FSIP2: variants seen among roughly 807,000 people sequenced by gnomAD.
FSIP2 encodes fibrous sheath-interacting protein 2.
FSIP2 carries 367 observed loss-of-function variants against 510.5 expected under a neutral mutation model. That is an observed-to-expected ratio of 0.72 (90% CI 0.66 to 0.78). The LOEUF (loss-of-function observed/expected upper bound fraction) is 0.78. Ranked by LOEUF, FSIP2 falls within the 30% of genes least tolerant of loss-of-function variation. The pLI is 0.00. For missense variants in FSIP2, 7,594 were observed against 7,901.7 expected (o/e 0.96, Z 1.48); for synonymous variants, 2,601 against 2,732.2 (o/e 0.95, Z 1.50).
At chr2:185,739,582 G>A in intron 2 of FSIP2, 111 bp downstream of exon 2, 2 of 1,019,386 alleles carry the variant, frequency 2.0e-6, no homozygotes, top group Non-Finnish European at 2.7e-6. Flanking sequence ...ACATTTACAG[G>A]AAAAAGAAAA....
At chr2:185,781,298 G>A (rs1692843891) in intron 13 of FSIP2, among the ~76,000 whole-genome samples, 1 of 152,094 alleles carries the variant, frequency 6.6e-6, no homozygotes, top group African/African-American at 2.4e-5. Flanking sequence ...TATAAAGTAG[G>A]CTTTGTGTTA....
chr2:185,818,123 A>G (rs978331626), intron 19 of FSIP2, among the ~76,000 whole-genome samples: 4 of 152,082 alleles, frequency 2.6e-5, no homozygotes, highest in African/African-American at 9.6e-5. Flanking sequence ...ATGTGCAAGT[A>G]TTATGTGCTC....
At chr2:185,780,763 G>C (rs983160582) in intron 13 of FSIP2, among the ~76,000 whole-genome samples, 1 of 151,966 alleles carries the variant, frequency 6.6e-6, no homozygotes, top group Non-Finnish European at 1.5e-5. Flanking sequence ...GCTCAGTTTT[G>C]ACAGAAATTT....
intron 17 of FSIP2, among the ~76,000 whole-genome samples, chr2:185,810,048 G>A (rs1347183154): frequency 2.6e-5 from 4 of 151,874 alleles, no homozygotes; most frequent in East Asian, 1.9e-4. Flanking sequence ...TCTGTAGCCC[G>A]GACAATTAGC....
In FSIP2 at chr2:185,795,599, G is replaced by C. The variant is rs930813314; in HGVS notation, c.8463G>C (p.Glu2821Asp). The change falls in exon 16 of 23, where the codon GAG (glutamate) becomes GAC (aspartate). Residue 2821 changes from glutamate (E) to aspartate (D), a missense_variant. Glu to Asp is a conservative substitution (Grantham distance 45, BLOSUM62 2). Transcript: ENST00000424728. ...AACAACAAGCATGTTTTTACTTGGA[G>C]AATGTTTCTTCACAGCTAGAGCACA... ...LPKQQACFYLENVSSQLEHIF... is the reference protein window; with the variant it reads ...LPKQQACFYLDNVSSQLEHIF... 3 of 1,534,972 alleles carry C rather than the reference G, an allele frequency of 2.0e-6. No homozygotes were observed. The African/African-American group carries it at 4.1e-5, about 21-fold the overall frequency.
At chr2:185,754,876 A>G (rs1311004366) in intron 8 of FSIP2, among the ~76,000 whole-genome samples, 1 of 151,562 alleles carries the variant, frequency 6.6e-6, no homozygotes, top group East Asian at 1.9e-4. Flanking sequence ...GTTATCTGCA[A>G]ATGAAGATAA....
At position 185,790,573 on chromosome 2, in the gene FSIP2, A is replaced by C; in HGVS notation, c.3437A>C (p.Gln1146Pro). ...EASVLVSEKP[Q>P]GLSHQEWIDQ... ...TCAGTTCTTGTTTCAGAAAAGCCTC[A>C]AGGACTGTCACATCAAGAATGGATA... Residue 1146 changes from glutamine (Q) to proline (P), a missense_variant, in exon 16 of 23, where the codon CAA becomes CCA. Physicochemically the swap from Gln to Pro is moderately conservative, Grantham distance 76 (BLOSUM62 -1). Coordinates refer to ENST00000424728, the MANE Select transcript of FSIP2 (RefSeq NM_173651.4). The C allele has an allele frequency of 3.9e-6, 6 of 1,533,890 alleles. No individual in the cohort carries two copies. Among genetic ancestry groups the C allele is most frequent in the Non-Finnish European group, 3.5e-6 (4 of 1,145,494 alleles).
Position 185,804,649 on chromosome 2 carries a change from C to A in FSIP2, c.15343C>A (p.His5115Asn). 1 of 1,533,052 alleles carries A rather than the reference C, an allele frequency of 6.5e-7. No individual in the cohort carries two copies. Among genetic ancestry groups the A allele is most frequent in the Non-Finnish European group, 8.7e-7 (1 of 1,144,758 alleles). The allele number at this position is 1,533,052 out of a possible 1,614,324, so 95.0% of individuals were successfully genotyped here. The change falls in exon 17 of 23, where the codon CAT (histidine) becomes AAT (asparagine). Residue 5115 changes from histidine to asparagine, a missense_variant. Physicochemically the swap from His to Asn is moderately conservative, Grantham distance 68. Coordinates refer to ENST00000424728, the MANE Select transcript of FSIP2 (RefSeq NM_173651.4). Reference sequence around the variant, plus strand: ...GCCACCATATATTACTGTGTTGCCTCATTCTCTTTTAGAAGATATGGTTTA... The same window carrying A: ...GCCACCATATATTACTGTGTTGCCTAATTCTCTTTTAGAAGATATGGTTTA... ...ALPPYITVLP[H>N]SLLEDMVYRL...
intron 13 of FSIP2, among the ~76,000 whole-genome samples, chr2:185,778,142 C>G (rs1194966606): frequency 6.6e-6 from 1 of 151,610 alleles, no homozygotes; most frequent in Non-Finnish European, 1.5e-5. Context: ...ATAATATATC[C>G]TATTTATTTA....
intron 13 of FSIP2, among the ~76,000 whole-genome samples, chr2:185,773,086 C>A (rs1441832529): frequency 6.6e-6 from 1 of 152,036 alleles, no homozygotes; most frequent in Admixed American, 6.6e-5. Flanking sequence ...TTCTCAAACT[C>A]CTGGGCTCAA....
Position 185,793,691 on chromosome 2 carries a change from G to A in FSIP2, c.6555G>A (p.Leu2185=), listed in dbSNP as rs1693194080. The change falls in exon 16 of 23, where the codon TTG becomes TTA. Residue 2185 remains leucine (L), a synonymous_variant. Transcript: ENST00000424728. ...INAKNPTSAR[L]PLTFCDTFPK... Reference sequence around the variant, plus strand: ...CAAAGAATCCTACTTCTGCAAGATTGCCCCTGACATTTTGTGATACGTTTC... The same window carrying A: ...CAAAGAATCCTACTTCTGCAAGATTACCCCTGACATTTTGTGATACGTTTC... 1 of 1,534,636 alleles carries A rather than the reference G, an allele frequency of 6.5e-7. No homozygotes were observed. The highest frequency in any genetic ancestry group is 1.4e-5 in the African/African-American group (1 of 72,876).
chr2:185,795,313 T>C lies in FSIP2; in HGVS notation c.8177T>C (p.Leu2726Pro). The change falls in exon 16 of 23, where the codon CTG becomes CCG. Residue 2726 changes from leucine (L) to proline (P), a missense_variant. Physicochemically the swap from Leu to Pro is moderately conservative, Grantham distance 98 (BLOSUM62 -3). Coordinates refer to ENST00000424728, the MANE Select transcript of FSIP2 (RefSeq NM_173651.4). Reference protein sequence around the residue: ...IMSAGDAKNLLDTKLPTSELK... With the variant: ...IMSAGDAKNLPDTKLPTSELK... ...TCAGCTGGAGATGCCAAAAATTTAC[T>C]GGACACAAAATTGCCCACTTCAGAA... 6.5e-7 allele frequency: 1 copy of C among 1,534,998 alleles called. No individual in the cohort carries two copies. The highest frequency in any genetic ancestry group is 1.2e-5 in the South Asian group (1 of 84,038).
In FSIP2 at chr2:185,807,516, A is replaced by G; in HGVS notation, c.18210A>G (p.Val6070=). The G allele has an allele frequency of 6.2e-7, 1 of 1,611,582 alleles. No homozygotes were observed. The highest frequency in any genetic ancestry group is 8.5e-7 in the Non-Finnish European group (1 of 1,178,490). The change falls in exon 17 of 23, where the codon GTA becomes GTG. Residue 6070 remains valine (V), a synonymous_variant. Coordinates refer to ENST00000424728, the MANE Select transcript of FSIP2 (RefSeq NM_173651.4). The part of the protein sequence containing the change: ...SQDKYMTIQY[V]ETLQSDDDEI... ...ATAAATATATGACTATACAGTATGT[A>G]GAAACCTTACAATCTGATGATGATG...
At chr2:185,765,661 T>C (rs1160283076) in intron 13 of FSIP2, 40 of 151,976 alleles carry the variant, frequency 2.6e-4, no homozygotes, top group Non-Finnish European at 1.5e-5. Context: ...TTTAAAGTAG[T>C]TTTTTCCAAT....
chr2:185,806,155 G>T lies in FSIP2; in HGVS notation c.16849G>T (p.Glu5617Ter). ...TAAAAAGAAGATTGACAATGCAAGG[G>T]AAAGCTCATTTAAAAAAGATGACAA... ...GYKKKIDNAR[E>*]SSFKKDDKLF... Residue 5617 changes from glutamate (E) to a stop codon, truncating the protein, a stop_gained, in exon 17 of 23, where the codon GAA (glutamate) becomes TAA (stop). Transcript: ENST00000424728. LOFTEE classifies it high-confidence loss of function. The T allele has an allele frequency of 6.3e-7, 1 of 1,581,378 alleles. No individual in the cohort carries two copies. Among genetic ancestry groups the T allele is most frequent in the South Asian group, 1.2e-5 (1 of 84,486 alleles).
rs1459579414 is a variant in FSIP2 at position 185,797,481 on chromosome 2, G to A, written c.10345G>A (p.Val3449Ile). 7.2e-6 allele frequency: 11 copies of A among 1,519,682 alleles called. No individual in the cohort carries two copies. Among genetic ancestry groups the A allele is most frequent in the Non-Finnish European group, 9.6e-6 (11 of 1,142,332 alleles). The allele number at this position is 1,519,682 out of a possible 1,614,324, so 94.1% of individuals were successfully genotyped here. A position where few individuals can be genotyped will look rare whatever the true frequency, so the allele number is the denominator to read the frequency against. ...TGAAGTTCATCTGATAGCAAGACATGTCACCACATCTGTGGTCACATATTT... is the reference window on the plus strand; with the variant it reads ...TGAAGTTCATCTGATAGCAAGACATATCACCACATCTGTGGTCACATATTT... ...SNEVHLIARH[V>I]TTSVVTYLKN... The change falls in exon 16 of 23, where the codon GTC becomes ATC. Residue 3449 changes from valine (V) to isoleucine (I), a missense_variant. Val to Ile is a conservative substitution (Grantham distance 29, BLOSUM62 3). Coordinates refer to ENST00000424728, the MANE Select transcript of FSIP2 (RefSeq NM_173651.4).
In FSIP2 at chr2:185,789,772, A is replaced by G. The variant is rs970212095; in HGVS notation, c.2636A>G (p.Glu879Gly). 1.3e-6 allele frequency: 2 copies of G among 1,534,274 alleles called. No homozygotes were observed. The highest frequency in any genetic ancestry group is 2.7e-5 in the African/African-American group (2 of 72,942). The stretch of plus-strand genomic sequence containing the variant: ...AATAAATCTAGTCTTGAATCTGATG[A>G]AGCTAGTTTAATTGTCAATGAAGAA... ...GKNKSSLESD[E>G]ASLIVNEEVQ... is the part of the protein sequence containing the mutation. Residue 879 changes from glutamate to glycine, a missense_variant, in exon 16 of 23, where the codon GAA becomes GGA. Physicochemically the swap from Glu to Gly is moderately conservative, Grantham distance 98. Coordinates refer to ENST00000424728, the MANE Select transcript of FSIP2 (RefSeq NM_173651.4).
intron 20 of FSIP2, among the ~76,000 whole-genome samples, chr2:185,825,637 T>C (rs965766097): frequency 4.0e-5 from 6 of 151,852 alleles, no homozygotes; most frequent in African/African-American, 1.4e-4. Context: ...TGTTTTAATA[T>C]GCTTTATCCA....
In FSIP2 at chr2:185,808,353, A is replaced by C. The variant is rs1693640800; in HGVS notation, c.19047A>C (p.Glu6349Asp). Residue 6349 changes from glutamate (E) to aspartate (D), a missense_variant, in exon 17 of 23, where the codon GAA becomes GAC. Physicochemically the swap from Glu to Asp is conservative, Grantham distance 45 (BLOSUM62 2). Transcript: ENST00000424728. ...TGACATTAGATGCCAAACTTTTAGA[A>C]GAGGTGTTGGCCTTGTTCTTGGCTA... The part of the protein sequence containing the change: ...KGLTLDAKLL[E>D]EVLALFLAKL... 1 of 1,611,128 alleles carries C rather than the reference A, an allele frequency of 6.2e-7. No individual in the cohort carries two copies. The highest frequency in any genetic ancestry group is 1.7e-5 in the Admixed American group (1 of 59,640).
Sources: allele counts gnomAD v4.1 joint callset (sites outside exome capture counted in the v4.1 genomes callset), GRCh38; gene constraint gnomAD v4.1.1; transcripts MANE v1.5; gene names NCBI Gene and HGNC (gene_info 2026-07-23, HGNC 2026-07-21).